EDIL3: variants seen among roughly 807,000 people sequenced by gnomAD.
EDIL3 encodes the protein EGF-like repeat and discoidin I-like domain-containing protein 3.
A neutral mutation model predicts 67.4 loss-of-function variants in EDIL3; 37 were observed. The ratio of observed to expected loss-of-function variants is 0.55; its 90% CI spans 0.42 to 0.72. EDIL3 has a LOEUF of 0.72. Among genes scored for constraint, EDIL3 ranks in the 30% least tolerant of loss-of-function variants. The pLI is 0.00. For synonymous variants in EDIL3, 195 were observed against 196.3 expected (o/e 0.99, Z 0.05); for missense variants, 527 against 586.3 (o/e 0.90, Z 1.04).
At chr5:84,295,508 C>T (rs1746032298) in intron 1 of EDIL3, among the ~76,000 whole-genome samples, 1 of 151,840 alleles carries the variant, frequency 6.6e-6, no homozygotes, top group Non-Finnish European at 1.5e-5. Context: ...TTTGAATATT[C>T]AACAAGAATT....
In EDIL3 at chr5:84,361,805, A is replaced by G. The variant is rs148208139; in HGVS notation, c.67+22503T>C. Among the ~76,000 whole-genome samples the G allele has an allele frequency of 1.9e-4, 29 of 152,098 alleles. No individual in the cohort carries two copies. In the East Asian group the frequency reaches 4.6e-3, roughly 24 times the overall value. On this transcript the variant is annotated intron_variant, in intron 1 of 10. Coordinates refer to ENST00000296591, the MANE Select transcript of EDIL3 (RefSeq NM_005711.5). ...AAGTGCTGAACAATCTATATCCTTT[A>G]TAACTTACTTTGTGTTTTAAAACAA... is the stretch of plus-strand genomic sequence containing the variant.
intron 9 of EDIL3, among the ~76,000 whole-genome samples, chr5:84,052,093 A>C (rs1746350676): frequency 6.6e-6 from 1 of 152,272 alleles, no homozygotes; most frequent in Non-Finnish European, 1.5e-5. Context: ...GAAGCCCATC[A>C]GACTAACAGC....
chr5:84,183,468 T>C (rs1749049938), intron 3 of EDIL3, among the ~76,000 whole-genome samples: 2 of 152,056 alleles, frequency 1.3e-5, no homozygotes, highest in Admixed American at 6.5e-5. Context: ...AATATATAAA[T>C]AATTACAGTC....
intron 2 of EDIL3, among the ~76,000 whole-genome samples, chr5:84,249,666 C>T (rs1017401435): frequency 1.3e-5 from 2 of 151,878 alleles, no homozygotes; most frequent in African/African-American, 2.4e-5. Context: ...CGTTAATATA[C>T]TATGTATTTG....
intron 1 of EDIL3, among the ~76,000 whole-genome samples, chr5:84,320,792 G>A (rs1561256255): frequency 2.0e-5 from 3 of 152,114 alleles, no homozygotes; most frequent in Non-Finnish European, 4.4e-5. Flanking sequence ...CAAACAAAGG[G>A]CCTAGCTTTC....
intron 4 of EDIL3, among the ~76,000 whole-genome samples, chr5:84,146,253 C>G (rs895485981): frequency 2.6e-5 from 4 of 152,058 alleles, no homozygotes; most frequent in Non-Finnish European, 5.9e-5. Flanking sequence ...GCCTGTTTTA[C>G]AGATGAGGAA....
At chr5:84,012,339 T>C (rs1745531766) in intron 9 of EDIL3, among the ~76,000 whole-genome samples, 1 of 152,168 alleles carries the variant, frequency 6.6e-6, no homozygotes, top group African/African-American at 2.4e-5. Flanking sequence ...TGATAATACC[T>C]ATTTTTCAAA....
At chr5:84,077,197 C>T (rs867110205) in intron 6 of EDIL3, among the ~76,000 whole-genome samples, 2 of 152,224 alleles carry the variant, frequency 1.3e-5, no homozygotes, top group African/African-American at 4.8e-5. Flanking sequence ...TTACTCACCA[C>T]TGTTTGTGGC....
chr5:83,981,867 G>A (rs918849445), intron 9 of EDIL3, among the ~76,000 whole-genome samples: 4 of 151,818 alleles, frequency 2.6e-5, no homozygotes, highest in East Asian at 3.9e-4. Context: ...TCTGCTAGCC[G>A]AATTCATTTT....
At position 83,943,421 on chromosome 5, in the gene EDIL3, A is replaced by T; in HGVS notation, c.1441T>A (p.Ter481ArgextTer20). The change falls in exon 11 of 11, where the codon TGA (stop) becomes AGA (arginine). Residue 481 changes from the stop codon to arginine (R), a stop_lost. Transcript: ENST00000296591. ...GGGTTGTGAAATGTAGCCTCCCCTCATTCCTCCTCTGTGCAGCCCAGCAGC... is the reference window on the plus strand; with the variant it reads ...GGGTTGTGAAATGTAGCCTCCCCTCTTTCCTCCTCTGTGCAGCCCAGCAGC... Reference protein sequence around the residue: ...SELLGCTEEE* With the variant: ...SELLGCTEEER The T allele has an allele frequency of 6.2e-7, 1 of 1,612,114 alleles. No homozygotes were observed. The highest frequency in any genetic ancestry group is 8.5e-7 in the Non-Finnish European group (1 of 1,179,012).
rs559047328 is a variant in EDIL3, at chr5:84,061,089, T to C, written c.953-605A>G. Among the ~76,000 whole-genome samples the C allele has an allele frequency of 2.0e-5, 3 of 152,254 alleles. 1 individual carries two copies. The South Asian group carries it at 6.2e-4, about 32-fold the overall frequency. On this transcript the variant is annotated intron_variant, in intron 8 of 10. Transcript: ENST00000296591. ...TCTAGTATTTACTGAGGGTATGCCA[T>C]GTGCCAGGCATTGTGCAAGCATAAT...
chr5:84,286,129 G>C (rs1207439065), intron 1 of EDIL3, among the ~76,000 whole-genome samples: 1 of 152,088 alleles, frequency 6.6e-6, no homozygotes, highest in Non-Finnish European at 1.5e-5. Flanking sequence ...AAATATTCCT[G>C]AGCTTTGGCT....
intron 8 of EDIL3, among the ~76,000 whole-genome samples, chr5:84,061,913 AG>A (rs1048023861): frequency 8.5e-5 from 13 of 152,136 alleles, no homozygotes; most frequent in Non-Finnish European, 1.5e-5. Flanking sequence ...GAGGTGCTTT[AG>A]AACTCTTCAT....
intron 4 of EDIL3, among the ~76,000 whole-genome samples, chr5:84,149,862 A>AC (rs1166705438): frequency 6.6e-6 from 1 of 152,124 alleles, no homozygotes; most frequent in Non-Finnish European, 1.5e-5. Flanking sequence ...ACATGCAAAA[A>AC]TAAAAAAAAA....
chr5:84,152,585 T>C (rs1580351318), intron 4 of EDIL3, among the ~76,000 whole-genome samples: 1 of 152,198 alleles, frequency 6.6e-6, no homozygotes. Flanking sequence ...CTGGACTAAA[T>C]GTCAGTAAAT....
chr5:84,024,050 T>A (rs1417744974), intron 9 of EDIL3, among the ~76,000 whole-genome samples: 2 of 152,114 alleles, frequency 1.3e-5, no homozygotes, highest in African/African-American at 4.8e-5. Flanking sequence ...TTTCTAGGAT[T>A]TAGAGATTAT....
intron 9 of EDIL3, among the ~76,000 whole-genome samples, chr5:83,968,819 G>A (rs946208412): frequency 1.3e-4 from 20 of 151,836 alleles, no homozygotes; most frequent in African/African-American, 4.6e-4. Context: ...TCAACTGCAC[G>A]TTTTTCACTG....
At chr5:83,979,136 C>T (rs1744922931) in intron 9 of EDIL3, among the ~76,000 whole-genome samples, 3 of 152,038 alleles carry the variant, frequency 2.0e-5, no homozygotes, top group Admixed American at 6.6e-5. Flanking sequence ...GAGTCTGAAA[C>T]TCTTTGTAGG....
intron 3 of EDIL3, among the ~76,000 whole-genome samples, chr5:84,188,725 A>T (rs1293279960): frequency 6.6e-6 from 1 of 152,090 alleles, no homozygotes; most frequent in Admixed American, 6.6e-5. Context: ...GGGCATTTGA[A>T]CACACAAAAG....
Sources: gnomAD v4.1 joint callset for allele counts (sites outside exome capture counted in the v4.1 genomes callset) on GRCh38, gnomAD v4.1.1 for gene constraint, MANE v1.5 for transcripts, NCBI Gene and HGNC (gene_info 2026-07-23, HGNC 2026-07-21) for gene names.